The following USP49 variants were observed in gnomAD, a reference collection of about 807,000 sequenced individuals.
USP49 encodes the protein ubiquitin specific peptidase 49.
USP49 carries 24 observed loss-of-function variants against 58.6 expected under a neutral mutation model. That is an observed-to-expected ratio of 0.41 (90% CI 0.30 to 0.58). The LOEUF (loss-of-function observed/expected upper bound fraction) is 0.58. Ranked by LOEUF, USP49 falls within the 20% of genes least tolerant of loss-of-function variation. The pLI is 0.30. For missense variants in USP49, 703 were observed against 866.1 expected (o/e 0.81, Z 2.36); for synonymous variants, 408 against 365.1 (o/e 1.12, Z -1.34).
At chr6:41,865,632 T>C (rs780844998) in intron 3 of USP49, among the ~76,000 whole-genome samples, 14 of 151,746 alleles carry the variant, frequency 9.2e-5, no homozygotes, top group Non-Finnish European at 1.9e-4. Flanking sequence ...TGAGCCACCA[T>C]GCTCGGCTTG....
intron 1 of USP49, among the ~76,000 whole-genome samples, chr6:41,894,751 C>G (rs1774867930): frequency 6.6e-6 from 1 of 152,208 alleles, no homozygotes; most frequent in East Asian, 1.9e-4. Context: ...TCCCTTTCCC[C>G]AGCCCTAACC....
At chr6:41,831,618 A>G (rs1173786944) in intron 3 of USP49, among the ~76,000 whole-genome samples, 4 of 151,430 alleles carry the variant, frequency 2.6e-5, no homozygotes, top group Non-Finnish European at 4.4e-5. Flanking sequence ...ACCATTTTTG[A>G]AATAAACTAA....
At chr6:41,890,758 TAGTG>T (rs938857648) in intron 2 of USP49, among the ~76,000 whole-genome samples, 11 of 152,068 alleles carry the variant, frequency 7.2e-5, no homozygotes, top group African/African-American at 2.7e-4. Context: ...ACTAAAAAAT[TAGTG>T]AGGGTATAAA....
intron 2 of USP49, among the ~76,000 whole-genome samples, chr6:41,874,988 G>A (rs868122577): frequency 2.6e-5 from 4 of 151,750 alleles, no homozygotes; most frequent in African/African-American, 9.7e-5. Context: ...GAGAGAGAAA[G>A]AAAGAAAGAG....
At position 41,804,011 on chromosome 6, in the gene USP49, C is replaced by T; in HGVS notation, c.1357-1G>A. 1 of 1,613,296 alleles carries T rather than the reference C, an allele frequency of 6.2e-7. No individual in the cohort carries two copies. Among genetic ancestry groups the T allele is most frequent in the Non-Finnish European group, 8.5e-7 (1 of 1,179,600 alleles). On this transcript the variant is annotated splice_acceptor_variant, in intron 4 of 7. Transcript: ENST00000682992. LOFTEE classifies it high-confidence loss of function. ...TGTAATTGCATGATATACATGTGAC[C>T]TAGAATGAAAAGATTGATTTACAGA...
At chr6:41,812,631 T>G (rs1773279171) in intron 3 of USP49, among the ~76,000 whole-genome samples, 1 of 151,606 alleles carries the variant, frequency 6.6e-6, no homozygotes, top group South Asian at 2.1e-4. Context: ...AGGCGGAGCT[T>G]GCAGTGAGCC....
At chr6:41,880,142 A>C (rs1234293007) in intron 2 of USP49, among the ~76,000 whole-genome samples, 3 of 46,748 alleles carry the variant, frequency 6.4e-5, no homozygotes, top group Non-Finnish European at 1.1e-4. Context: ...ACATTCACAG[A>C]AAAAAAAAAC....
At chr6:41,879,113 A>G (rs772453675) in intron 2 of USP49, among the ~76,000 whole-genome samples, 3 of 152,250 alleles carry the variant, frequency 2.0e-5, no homozygotes, top group Non-Finnish European at 4.4e-5. Flanking sequence ...AACATAGGTC[A>G]GAGAGGTATG....
chr6:41,812,489 C>T (rs896898569), intron 3 of USP49, among the ~76,000 whole-genome samples: 1 of 151,382 alleles, frequency 6.6e-6, no homozygotes, highest in Non-Finnish European at 1.5e-5. Context: ...GTCAGGAGAT[C>T]GAGACCATCC....
In USP49 at chr6:41,795,015, A is replaced by G. The variant is rs1004788211; in HGVS notation, c.*1518T>C. On this transcript the variant is annotated 3_prime_UTR_variant, in exon 8 of 8. Coordinates refer to ENST00000682992, the MANE Select transcript of USP49 (RefSeq NM_001286554.2). The stretch of plus-strand genomic sequence containing the variant: ...CAACATTGCTAAAGCTATAACCCTC[A>G]TTCTTTAGCCTGGCTTTCCCCACTT... The G allele has an allele frequency of 6.6e-6, 1 of 152,052 alleles. No homozygotes were observed. The highest frequency in any genetic ancestry group is 2.4e-5 in the African/African-American group (1 of 41,368). 9.4% of individuals were successfully genotyped at this position (152,052 alleles called of 1,614,324 possible). A position where few individuals can be genotyped will look rare whatever the true frequency, so the allele number is the denominator to read the frequency against.
At chr6:41,808,504 G>T (rs991512781) in intron 3 of USP49, among the ~76,000 whole-genome samples, 3 of 151,258 alleles carry the variant, frequency 2.0e-5, no homozygotes, top group Non-Finnish European at 4.4e-5. Context: ...CCACCTCCCG[G>T]GTTCAAGCGA....
Position 41,803,889 on chromosome 6 carries a change from T to C in USP49, c.1478A>G (p.Glu493Gly). ...EKGFVPLNQT[E>G]CLLTEMLAKF... ...GGCCAGCATCTCAGTGAGCAAGCAC[T>C]CTGTTTGATTCAAAGGGACAAACCC... Residue 493 changes from glutamate to glycine, a missense_variant, in exon 5 of 8, where the codon GAG becomes GGG. This residue lies in a region of USP49 where 158 missense variants were observed against 241.2 expected (regional missense o/e 0.66). Coordinates refer to ENST00000682992, the MANE Select transcript of USP49 (RefSeq NM_001286554.2). This position sits in a 1 kb window ranked among gnomAD's most constrained non-coding sequence, Gnocchi z 4.1. The C allele has an allele frequency of 1.2e-6, 2 of 1,614,186 alleles. No homozygotes were observed. Among genetic ancestry groups the C allele is most frequent in the Non-Finnish European group, 1.7e-6 (2 of 1,180,042 alleles).
intron 7 of USP49, 96 bp downstream of exon 7, chr6:41,798,628 G>A: frequency 6.2e-7 from 1 of 1,605,464 alleles, no homozygotes; most frequent in Non-Finnish European, 8.5e-7. Context: ...TTTCCCTCTA[G>A]GTAATCCATG....
chr6:41,873,679 C>G (rs1391610462), intron 2 of USP49, among the ~76,000 whole-genome samples: 1 of 152,140 alleles, frequency 6.6e-6, no homozygotes, highest in Non-Finnish European at 1.5e-5. Context: ...GGATGCTCCC[C>G]AAAAGCTGAC....
chr6:41,805,939 C>G lies in USP49; in HGVS notation c.1045G>C (p.Glu349Gln), dbSNP rs1387513728. 1 of 1,613,928 alleles carries G rather than the reference C, an allele frequency of 6.2e-7. No individual in the cohort carries two copies. Among genetic ancestry groups the G allele is most frequent in the East Asian group, 2.2e-5 (1 of 44,876 alleles). ...SRSLELIQNK[E>Q]PSSKHISLCR... ...AGGGAAATGTGCTTTGAACTCGGCT[C>G]CTTGTTCTGGATGAGCTCCAGACTC... The change falls in exon 4 of 8, where the codon GAG becomes CAG. Residue 349 changes from glutamate to glutamine, a missense_variant. Around this residue, in one of 6 missense-constraint regions of USP49, gnomAD observed 97 missense variants for 88.0 expected, o/e 1.10. Transcript: ENST00000682992.
intron 3 of USP49, among the ~76,000 whole-genome samples, chr6:41,839,492 TAAC>T (rs1773785380): frequency 1.6e-5 from 1 of 60,622 alleles, no homozygotes; most frequent in Non-Finnish European, 3.4e-5. Context: ...ACTAGAGAAA[TAAC>T]AAACCAAACC....
At chr6:41,862,863 T>C (rs895194766) in intron 3 of USP49, among the ~76,000 whole-genome samples, 3 of 150,016 alleles carry the variant, frequency 2.0e-5, no homozygotes, top group African/African-American at 7.4e-5. Flanking sequence ...AACCTCCACC[T>C]CCCAGGTTCC....
At chr6:41,814,269 A>G (rs62396748) in intron 3 of USP49, among the ~76,000 whole-genome samples, 58,365 of 152,084 alleles carry the variant, frequency 0.38, 12,138 homozygotes, top group South Asian at 0.48. Context: ...TTTAATTGCC[A>G]TAGTAGTTTT....
intron 3 of USP49, among the ~76,000 whole-genome samples, chr6:41,832,116 T>G (rs553586817): frequency 7.2e-6 from 1 of 139,320 alleles, no homozygotes; most frequent in South Asian, 2.2e-4. Context: ...GTCTGTACTG[T>G]TTTTTTTTTA....
Sources: allele counts gnomAD v4.1 joint callset (sites outside exome capture counted in the v4.1 genomes callset), GRCh38; gene constraint gnomAD v4.1.1; regional missense constraint gnomAD v4.1.1; non-coding constraint Gnocchi (gnomAD v3.1); transcripts MANE v1.5; gene names NCBI Gene and HGNC (gene_info 2026-07-23, HGNC 2026-07-21).